Variants in MXRA8 observed in about 807,000 individuals in gnomAD.
MXRA8 encodes the protein matrix remodeling-associated protein 8.
Under a neutral mutation model 51.4 loss-of-function variants are expected in MXRA8, and 44 were observed. The ratio of observed to expected loss-of-function variants is 0.86; its 90% CI spans 0.67 to 1.10. The LOEUF (loss-of-function observed/expected upper bound fraction) is 1.10, where lower values mean the gene tolerates loss of function less well. Among genes scored for constraint, MXRA8 ranks in the 50% least tolerant of loss-of-function variants. The pLI, the probability that MXRA8 is intolerant of heterozygous loss-of-function variation, is 0.00. For missense variants in MXRA8, 765 were observed against 638.9 expected (o/e 1.20, Z -2.13); for synonymous variants, 369 against 293.5 (o/e 1.26, Z -2.63).
At chr1:1,358,704 AG>A, upstream of MXRA8, 4 of 1,388,366 alleles carry the variant, frequency 2.9e-6, no homozygotes, top group Non-Finnish European at 3.7e-6. Context: ...GGGGAGGGGC[AG>A]TGTGGGAGCA....
intron 1 of MXRA8, 112 bp from the exon 2 acceptor site, chr1:1,356,816 C>G (rs1644143687): frequency 2.1e-6 from 2 of 951,376 alleles, no homozygotes. Flanking sequence ...TGCTGTGACA[C>G]CCACTTCAGT....
chr1:1,354,288 C>G, intron 6 of MXRA8, 56 bp from the exon 7 acceptor site: 1 of 1,600,426 alleles, frequency 6.2e-7, no homozygotes, highest in African/African-American at 1.3e-5. Flanking sequence ...GTCCCCCAGC[C>G]CAGAGGACCA....
chr1:1,359,713 GACCCCACCCC>G (rs200418481), upstream of MXRA8, among the ~76,000 whole-genome samples: 8,858 of 152,240 alleles, frequency 0.058, 846 homozygotes, highest in African/African-American at 0.2. Flanking sequence ...AAGGACAGAA[GACCCCACCCC>G]ACCCCAGCCC....
rs1276634321 is a variant in MXRA8 at position 1,355,493 on chromosome 1, C to T, written c.333G>A (p.Ser111=). The change falls in exon 3 of 10, where the codon TCG becomes TCA. Residue 111 remains serine (S), a synonymous_variant. Coordinates refer to ENST00000309212, the MANE Select transcript of MXRA8 (RefSeq NM_032348.4). ...AGTTGCCGTCGTCGAAGGCCGAGGC[C>T]GAGAGCTCCAGGCGGCCGCGGTCCC... ...EARDRGRLEL[S]ASAFDDGNFS... 5 of 1,511,552 alleles carry T rather than the reference C, an allele frequency of 3.3e-6. No homozygotes were observed. The highest frequency in any genetic ancestry group is 5.4e-5 in the East Asian group (2 of 36,942). The allele number at this position is 1,511,552 out of a possible 1,614,324, so 93.6% of individuals were successfully genotyped here. A position where few individuals can be genotyped will look rare whatever the true frequency, so the allele number is the denominator to read the frequency against.
Position 1,355,474 on chromosome 1 carries a change from C to T in MXRA8, c.352G>A (p.Gly118Ser). Residue 118 changes from glycine to serine, a missense_variant, in exon 3 of 10, where the codon GGC becomes AGC. By Grantham distance (56) the Gly-to-Ser change is moderately conservative. Transcript: ENST00000309212. ...LELSASAFDDGNFSLLIRAVE... is the reference protein window; with the variant it reads ...LELSASAFDDSNFSLLIRAVE... ...CCGCGGATGAGCAGCGAGAAGTTGC[C>T]GTCGTCGAAGGCCGAGGCCGAGAGC... 2.0e-6 allele frequency: 3 copies of T among 1,509,486 alleles called. No homozygotes were observed. Among genetic ancestry groups the T allele is most frequent in the Non-Finnish European group, 1.8e-6 (2 of 1,139,976 alleles). The allele number at this position is 1,509,486 out of a possible 1,614,324, so 93.5% of individuals were successfully genotyped here.
At position 1,353,370 on chromosome 1, in the gene MXRA8, G is replaced by A; in HGVS notation, c.*234C>T. The A allele has an allele frequency of 6.5e-7, 1 of 1,546,130 alleles. No individual in the cohort carries two copies. The highest frequency in any genetic ancestry group is 8.7e-7 in the Non-Finnish European group (1 of 1,144,438). ...TGGGCATCAGTGGGATTTTGGTTGT[G>A]CCAGGGGTGGGCAGGGCCACCCGTG... is the stretch of plus-strand genomic sequence containing the variant. On this transcript the variant is annotated 3_prime_UTR_variant, in exon 10 of 10. Transcript: ENST00000309212.
chr1:1,359,947 A>T (rs1405279742), upstream of MXRA8, among the ~76,000 whole-genome samples: 1 of 152,034 alleles, frequency 6.6e-6, no homozygotes, highest in Non-Finnish European at 1.5e-5. Context: ...CCGCCCGCCC[A>T]TGTCTGTCTC....
intron 1 of MXRA8, among the ~76,000 whole-genome samples, chr1:1,357,157 G>T (rs1163747362): frequency 2.6e-5 from 4 of 152,172 alleles, no homozygotes; most frequent in Non-Finnish European, 5.9e-5. Flanking sequence ...AGGTGCTTCC[G>T]CAGGGCAGAG....
In MXRA8 at chr1:1,356,720, T is replaced by A; in HGVS notation, c.50-16A>T. On this transcript the variant is annotated splice_polypyrimidine_tract_variant and intron_variant, in intron 1 of 9. Transcript: ENST00000309212. ...ACAGCAGAGCCTGGAAGGAGAGGAG[T>A]GAGCTGGAGAGGCCACCCACAGCCC... 7.1e-7 allele frequency: 1 copy of A among 1,411,020 alleles called. No individual in the cohort carries two copies. Among genetic ancestry groups the A allele is most frequent in the Non-Finnish European group, 9.3e-7 (1 of 1,071,924 alleles). The allele number at this position is 1,411,020 out of a possible 1,614,324, so 87.4% of individuals were successfully genotyped here.
In MXRA8 at chr1:1,355,121, C is replaced by T; in HGVS notation, c.510G>A (p.Glu170=). 6.7e-7 allele frequency: 1 copy of T among 1,500,082 alleles called. No homozygotes were observed. The highest frequency in any genetic ancestry group is 2.5e-5 in the Admixed American group (1 of 39,686). The allele number at this position is 1,500,082 out of a possible 1,614,324, so 92.9% of individuals were successfully genotyped here. ...CGCGCGCCACCGCCAGCACCTCCTT[C>T]TCGCCGTCCCAGTAGGCGGGGGTGG... is the stretch of plus-strand genomic sequence containing the variant. ...PPATPAYWDG[E]KEVLAVARGA... The change falls in exon 5 of 10, where the codon GAG becomes GAA. Residue 170 remains glutamate, a synonymous_variant. Transcript: ENST00000309212.
intron 2 of MXRA8, 119 bp downstream of exon 2, chr1:1,356,562 G>A: frequency 1.6e-6 from 1 of 607,582 alleles, no homozygotes; most frequent in African/African-American, 2.0e-5. Context: ...GGGTCCTGAT[G>A]AGCAAGGGGG....
chr1:1,354,830 C>G lies in MXRA8; in HGVS notation c.801G>C (p.Glu267Asp). ...GGTGCAGGTGGCAGGAGTAGGTGCCCTCGTCGGCGACCTCCAGCGGCTCGA... is the reference window on the plus strand; with the variant it reads ...GGTGCAGGTGGCAGGAGTAGGTGCCGTCGTCGGCGACCTCCAGCGGCTCGA... ...LRIEPLEVAD[E>D]GTYSCHLHHH... Residue 267 changes from glutamate (E) to aspartate (D), a missense_variant, in exon 5 of 10, where the codon GAG becomes GAC. Coordinates refer to ENST00000309212, the MANE Select transcript of MXRA8 (RefSeq NM_032348.4). 6.2e-7 allele frequency: 1 copy of G among 1,612,228 alleles called. No homozygotes were observed. The highest frequency in any genetic ancestry group is 8.5e-7 in the Non-Finnish European group (1 of 1,179,690).
At chr1:1,354,142 T>C in intron 7 of MXRA8, 36 bp from the exon 8 acceptor site, 1 of 1,612,422 alleles carries the variant, frequency 6.2e-7, no homozygotes, top group Non-Finnish European at 8.5e-7. Context: ...TACAGCTGGG[T>C]GGGGTGAAGG....
Position 1,355,281 on chromosome 1 carries a change from G to A in MXRA8, c.441C>T (p.Tyr147=), listed in dbSNP as rs769576911. 1.3e-6 allele frequency: 2 copies of A among 1,577,208 alleles called. No individual in the cohort carries two copies. Among genetic ancestry groups the A allele is most frequent in the Admixed American group, 3.6e-5 (2 of 56,276 alleles). ...CCTCCAGGCGGACGGCCAGGCTCTC[G>A]TAGAGGTGGCAGTAGTGATGGTGCA... ...CNLHHHYCHL[Y]ESLAVRLEVT... is the part of the protein sequence containing the mutation. Residue 147 remains tyrosine (Y), a synonymous_variant, in exon 4 of 10, where the codon TAC becomes TAT. Coordinates refer to ENST00000309212, the MANE Select transcript of MXRA8 (RefSeq NM_032348.4).
rs916848887 is a variant in MXRA8, at chr1:1,355,632, C to T, written c.194G>A (p.Arg65Gln). ...QSPRMVWTQD[R>Q]LHDRQRVLHW... ...GAGCACGCGCTGGCGGTCGTGCAGC[C>T]GGTCCTGGGTCCACACCATGCGCGG... The change falls in exon 3 of 10, where the codon CGG (arginine) becomes CAG (glutamine). Residue 65 changes from arginine to glutamine, a missense_variant. Physicochemically the swap from Arg to Gln is conservative, Grantham distance 43. Transcript: ENST00000309212. 6 of 1,465,952 alleles carry T rather than the reference C, an allele frequency of 4.1e-6. No homozygotes were observed. 90.8% of individuals were successfully genotyped at this position (1,465,952 alleles called of 1,614,324 possible). A position where few individuals can be genotyped will look rare whatever the true frequency, so the allele number is the denominator to read the frequency against.
At chr1:1,354,630 C>T in intron 5 of MXRA8, 52 bp downstream of exon 5, 1 of 1,541,416 alleles carries the variant, frequency 6.5e-7, no homozygotes, top group Non-Finnish European at 8.7e-7. Flanking sequence ...GCAGAGCAAC[C>T]CCCGGTGGGG....
chr1:1,362,047 G>A (rs187590188), upstream of MXRA8, among the ~76,000 whole-genome samples: 1 of 152,234 alleles, frequency 6.6e-6, no homozygotes, highest in African/African-American at 2.4e-5. Context: ...TGTGGCGACT[G>A]TTCCCGGCCA....
chr1:1,359,504 C>G (rs1442995809), upstream of MXRA8: 1 of 985,346 alleles, frequency 1.0e-6, no homozygotes, highest in Non-Finnish European at 1.2e-6. Context: ...ATAGTTCCGC[C>G]CGCCCACTTG....
rs964419291 is a variant in MXRA8, at chr1:1,355,150, G to C, written c.481C>G (p.Pro161Ala). The change falls in exon 5 of 10, where the codon CCG becomes GCG. Residue 161 changes from proline (P) to alanine (A), a missense_variant and splice_region_variant. Coordinates refer to ENST00000309212, the MANE Select transcript of MXRA8 (RefSeq NM_032348.4). ...CCGTCCCAGTAGGCGGGGGTGGCCGGGGCTGCGGAGGGGGCGCGGTCAGCG... is the reference window on the plus strand; with the variant it reads ...CCGTCCCAGTAGGCGGGGGTGGCCGCGGCTGCGGAGGGGGCGCGGTCAGCG... ...AVRLEVTDGP[P>A]ATPAYWDGEK... 1.4e-6 allele frequency: 2 copies of C among 1,402,590 alleles called. No homozygotes were observed. The highest frequency in any genetic ancestry group is 1.8e-6 in the Non-Finnish European group (2 of 1,088,756). The allele number at this position is 1,402,590 out of a possible 1,614,324, so 86.9% of individuals were successfully genotyped here.
Sources: allele counts gnomAD v4.1 joint callset (sites outside exome capture counted in the v4.1 genomes callset), GRCh38; gene constraint gnomAD v4.1.1; transcripts MANE v1.5; gene names NCBI Gene and HGNC (gene_info 2026-07-23, HGNC 2026-07-21).